The following ADCY8 variants were observed in gnomAD, a reference collection of about 807,000 sequenced individuals.
The protein encoded by ADCY8 is adenylate cyclase type 8.
A neutral mutation model predicts 119.7 loss-of-function variants in ADCY8; 51 were observed. That is an observed-to-expected ratio of 0.43 (90% confidence interval 0.34 to 0.54). The LOEUF is 0.54. Ranked by LOEUF, ADCY8 falls within the 20% of genes least tolerant of loss-of-function variation. The probability of loss-of-function intolerance (pLI) is 0.03; values close to 1 mark genes in which losing one functional copy is unlikely to be tolerated. For synonymous variants in ADCY8, 665 were observed against 651.0 expected, an observed-to-expected ratio of 1.02 and a Z score of -0.33; for missense variants, 1,383 against 1,598.8, an observed-to-expected ratio of 0.87 and a Z score of 2.30.
Position 131,007,585 on chromosome 8 carries a change from C to T in ADCY8, c.961-17043G>A, listed in dbSNP as rs536117643. Among the ~76,000 whole-genome samples, 3 of 152,330 alleles carry T rather than the reference C, an allele frequency of 2.0e-5. No individual in the cohort carries two copies. The East Asian group carries it at 5.8e-4, about 29-fold the overall frequency. ...CCTCCTAGAGCTTAGCAGTCACCAGCATACAGTAGATGCCCAGTAAATTAT... is the reference window on the plus strand; with the variant it reads ...CCTCCTAGAGCTTAGCAGTCACCAGTATACAGTAGATGCCCAGTAAATTAT... On this transcript the variant is annotated intron_variant, in intron 1 of 17. Transcript: ENST00000286355.
At chr8:130,902,125 A>G (rs549268100) in intron 7 of ADCY8, among the ~76,000 whole-genome samples, 1 of 152,306 alleles carries the variant, frequency 6.6e-6, no homozygotes, top group Admixed American at 6.5e-5. Context: ...AACTGGAGAG[A>G]GATTTTTCAA....
chr8:130,897,036 G>C (rs984016957), intron 7 of ADCY8, among the ~76,000 whole-genome samples: 1 of 152,116 alleles, frequency 6.6e-6, no homozygotes, highest in Middle Eastern at 3.4e-3. Flanking sequence ...GTTGCCCAAG[G>C]TCTCTTAGTA....
chr8:130,900,742 C>T (rs1393547963), intron 7 of ADCY8, among the ~76,000 whole-genome samples: 2 of 152,192 alleles, frequency 1.3e-5, no homozygotes, highest in Non-Finnish European at 2.9e-5. Context: ...CTTCTTGTTC[C>T]TTAATTTTAC....
rs1223142575 is a variant in ADCY8, at chr8:130,780,989, G to A, written c.3269-112C>T. The stretch of plus-strand genomic sequence containing the variant: ...ATGTGTGGGGTCTCTGTGGATGAAC[G>A]GGAGGGTCCAGATCCTGCCCCCAGT... On this transcript the variant is annotated intron_variant, in intron 17 of 17. Coordinates refer to ENST00000286355, the MANE Select transcript of ADCY8 (RefSeq NM_001115.3). 4.9e-6 allele frequency: 7 copies of A among 1,422,496 alleles called. No individual in the cohort carries two copies. The Admixed American group carries it at 6.1e-5, about 12-fold the overall frequency. The allele number at this position is 1,422,496 out of a possible 1,614,324, so 88.1% of individuals were successfully genotyped here.
intron 2 of ADCY8, among the ~76,000 whole-genome samples, chr8:130,952,215 G>T (rs1013037858): frequency 1.3e-5 from 2 of 152,182 alleles, no homozygotes; most frequent in African/African-American, 4.8e-5. Context: ...AATGGATGTG[G>T]TTCTGACTCT....
chr8:130,958,923 T>C (rs1821516996), intron 2 of ADCY8, among the ~76,000 whole-genome samples: 1 of 152,220 alleles, frequency 6.6e-6, no homozygotes, highest in African/African-American at 2.4e-5. Context: ...TTTATGATGA[T>C]ATACCTTTTG....
chr8:130,902,248 A>T (rs1164082500), intron 7 of ADCY8, among the ~76,000 whole-genome samples: 2 of 152,188 alleles, frequency 1.3e-5, no homozygotes, highest in East Asian at 3.8e-4. Context: ...ACCCAAGCTA[A>T]CAATAGGCAA....
intron 2 of ADCY8, among the ~76,000 whole-genome samples, chr8:130,962,388 C>T (rs1466449126): frequency 6.6e-6 from 1 of 152,220 alleles, no homozygotes; most frequent in Non-Finnish European, 1.5e-5. Context: ...ACCAGCTTCT[C>T]TCCTGGAGCC....
intron 3 of ADCY8, among the ~76,000 whole-genome samples, chr8:130,944,190 G>A (rs556585124): frequency 1.3e-5 from 2 of 152,310 alleles, no homozygotes; most frequent in South Asian, 4.1e-4. Context: ...AGGAAACTGA[G>A]GCTCAGAGAT....
chr8:130,921,497 C>G (rs1820306605), intron 5 of ADCY8, among the ~76,000 whole-genome samples: 1 of 143,164 alleles, frequency 7.0e-6, no homozygotes, highest in African/African-American at 2.6e-5. Flanking sequence ...ATTGCCCCGG[C>G]TAGGGTAGTG....
chr8:130,788,311 A>T (rs561829571), intron 15 of ADCY8, among the ~76,000 whole-genome samples: 1 of 152,258 alleles, frequency 6.6e-6, no homozygotes, highest in East Asian at 1.9e-4. Flanking sequence ...ATTCAGCCAT[A>T]AAAGAAGGAA....
chr8:130,808,179 T>C (rs1301309398), intron 14 of ADCY8, among the ~76,000 whole-genome samples: 1 of 152,146 alleles, frequency 6.6e-6, no homozygotes, highest in East Asian at 1.9e-4. Flanking sequence ...TTTGCTTCAC[T>C]GTCTTGTCTT....
chr8:130,899,849 T>C (rs961934287), intron 7 of ADCY8, among the ~76,000 whole-genome samples: 1 of 152,222 alleles, frequency 6.6e-6, no homozygotes, highest in East Asian at 1.9e-4. Flanking sequence ...AACTGAGAGA[T>C]TCAATGTCCA....
At chr8:130,862,987 T>C (rs1817993495) in intron 9 of ADCY8, among the ~76,000 whole-genome samples, 1 of 152,254 alleles carries the variant, frequency 6.6e-6, no homozygotes. Context: ...AGTCTATTAA[T>C]ATTGATTAGG....
chr8:130,913,319 C>T (rs1820035609), intron 5 of ADCY8, among the ~76,000 whole-genome samples: 1 of 152,014 alleles, frequency 6.6e-6, no homozygotes, highest in Non-Finnish European at 1.5e-5. Context: ...CATTAACCAT[C>T]CCCACCTCCC....
At chr8:130,847,751 T>C (rs1446895850) in intron 10 of ADCY8, among the ~76,000 whole-genome samples, 1 of 152,086 alleles carries the variant, frequency 6.6e-6, no homozygotes, top group Non-Finnish European at 1.5e-5. Flanking sequence ...AAGCCAGTCA[T>C]GAAACTAAGT....
intron 15 of ADCY8, among the ~76,000 whole-genome samples, chr8:130,796,451 G>A (rs1184659415): frequency 6.6e-6 from 1 of 152,074 alleles, no homozygotes; most frequent in African/African-American, 2.4e-5. Flanking sequence ...GCAAAGTTCA[G>A]CTTTTCTCTG....
Position 130,780,370 on chromosome 8 carries a change from A to AAAAAC in ADCY8, c.*19_*20insGTTTT. 1 of 1,404,462 alleles carries AAAAAC rather than the reference A, an allele frequency of 7.1e-7. No individual in the cohort carries two copies. The highest frequency in any genetic ancestry group is 9.3e-7 in the Non-Finnish European group (1 of 1,074,594). 87.0% of individuals were successfully genotyped at this position (1,404,462 alleles called of 1,614,324 possible). ...ATATATAAAAGAAATACAAAAAAAA[A>AAAAAC]AAACAGAAAGAAAATGCTTTTATGG... On this transcript the variant is annotated 3_prime_UTR_variant, in exon 18 of 18. Transcript: ENST00000286355.
chr8:130,929,083 A>G (rs1204152845), intron 5 of ADCY8, among the ~76,000 whole-genome samples: 1 of 152,056 alleles, frequency 6.6e-6, no homozygotes, highest in Non-Finnish European at 1.5e-5. Context: ...TAGTCCAGCA[A>G]TAGGTCTTTC....
Sources: allele counts gnomAD v4.1 joint callset (sites outside exome capture counted in the v4.1 genomes callset), GRCh38; gene constraint gnomAD v4.1.1; transcripts MANE v1.5; gene names NCBI Gene and HGNC (gene_info 2026-07-23, HGNC 2026-07-21).